The following NRXN1 variants were observed in gnomAD, a reference collection of about 807,000 sequenced individuals.
NRXN1 encodes neurexin 1.
In NRXN1, 39 loss-of-function variants were observed where a neutral mutation model predicts 150.9. That is an observed-to-expected ratio of 0.26 (90% CI 0.20 to 0.34). NRXN1 has a LOEUF of 0.34. Among genes scored for constraint, NRXN1 ranks in the 10% least tolerant of loss-of-function variants. The probability of loss-of-function intolerance (pLI) is 1.00; values close to 1 mark genes in which losing one functional copy is unlikely to be tolerated. For missense variants in NRXN1, 1,815 were observed against 1,949.9 expected (o/e 0.93, Z 1.30); for synonymous variants, 924 against 757.0 (o/e 1.22, Z -3.62).
rs556698479 is a variant in NRXN1, at chr2:50,434,630, C to T, written c.3364+30812G>A. Among the ~76,000 whole-genome samples, 4 of 152,198 alleles carry T rather than the reference C, an allele frequency of 2.6e-5. No individual in the cohort carries two copies. The South Asian group carries it at 8.3e-4, about 32-fold the overall frequency. On this transcript the variant is annotated intron_variant, in intron 17 of 22. Transcript: ENST00000401669. The stretch of plus-strand genomic sequence containing the variant: ...GGAAGGTCATCTTTAAGAGTCTATT[C>T]TTATCTGTGAAATATATTTACAGCC...
At chr2:50,424,530 G>T (rs1220607323) in intron 17 of NRXN1, among the ~76,000 whole-genome samples, 1 of 151,982 alleles carries the variant, frequency 6.6e-6, no homozygotes, top group Non-Finnish European at 1.5e-5. Context: ...GGAGAATATG[G>T]GTCTACCTAA....
At chr2:50,191,309 G>A (rs1170988682) in intron 18 of NRXN1, among the ~76,000 whole-genome samples, 1 of 151,754 alleles carries the variant, frequency 6.6e-6, no homozygotes, top group Non-Finnish European at 1.5e-5. Context: ...CAAAGTTTTG[G>A]GAACACAGGT....
At chr2:50,575,438 A>G (rs1003495691) in intron 8 of NRXN1, among the ~76,000 whole-genome samples, 1 of 152,126 alleles carries the variant, frequency 6.6e-6, no homozygotes, top group Admixed American at 6.6e-5. Context: ...GATGCTCCCT[A>G]GAGGCAGAAA....
At chr2:50,939,616 T>C (rs1017136880) in intron 2 of NRXN1, among the ~76,000 whole-genome samples, 3 of 152,166 alleles carry the variant, frequency 2.0e-5, no homozygotes, top group Non-Finnish European at 4.4e-5. Context: ...GTATTTAAGA[T>C]GGCATTCTCA....
chr2:50,799,310 G>C (rs1317740026), intron 5 of NRXN1, among the ~76,000 whole-genome samples: 2 of 152,130 alleles, frequency 1.3e-5, no homozygotes, highest in African/African-American at 2.4e-5. Context: ...TTTGAGATTT[G>C]AGAAAGGACA....
chr2:50,076,022 ATT>A (rs1697039906), intron 19 of NRXN1, among the ~76,000 whole-genome samples: 1 of 152,172 alleles, frequency 6.6e-6, no homozygotes, highest in African/African-American at 2.4e-5. Context: ...CCCAGCCCAC[ATT>A]TTACTCTTCT....
At position 49,921,625 on chromosome 2, in the gene NRXN1, A is replaced by G. The variant is rs201147530; in HGVS notation, c.*319T>C. ...TTGTGTTGTGCCTTGATGCTGTAGT[A>G]CTCCTTTGCTTTATGAATGCGTGCG... On this transcript the variant is annotated 3_prime_UTR_variant, in exon 23 of 23. Coordinates refer to ENST00000401669, the MANE Select transcript of NRXN1 (RefSeq NM_001330078.2). 8.4e-5 allele frequency: 25 copies of G among 298,668 alleles called. No homozygotes were observed. Among genetic ancestry groups the G allele is most frequent in the Middle Eastern group, 1.1e-3 (1 of 894 alleles). The allele number at this position is 298,668 out of a possible 1,614,324, so 18.5% of individuals were successfully genotyped here. A position where few individuals can be genotyped will look rare whatever the true frequency, so the allele number is the denominator to read the frequency against.
chr2:50,018,585 T>C (rs911558853), intron 21 of NRXN1, among the ~76,000 whole-genome samples: 9 of 152,332 alleles, frequency 5.9e-5, no homozygotes, highest in Admixed American at 3.3e-4. Flanking sequence ...TTACATCTTT[T>C]TGGGAAAAGA....
intron 5 of NRXN1, among the ~76,000 whole-genome samples, chr2:50,757,362 T>C (rs909116388): frequency 2.0e-5 from 3 of 151,548 alleles, no homozygotes; most frequent in Admixed American, 6.6e-5. Context: ...AGAGAGCAAA[T>C]TGGTAATGAT....
chr2:50,270,273 T>C (rs772752556), intron 17 of NRXN1, among the ~76,000 whole-genome samples: 1 of 152,196 alleles, frequency 6.6e-6, no homozygotes, highest in African/African-American at 2.4e-5. Context: ...ATTTGTAACA[T>C]GAGCGTGGGG....
intron 12 of NRXN1, among the ~76,000 whole-genome samples, chr2:50,514,877 C>A (rs2092579710): frequency 1.3e-5 from 2 of 152,202 alleles, no homozygotes; most frequent in Admixed American, 1.3e-4. Context: ...GATATTGCCA[C>A]TAACTGTAAC....
chr2:50,799,767 T>G (rs1395755080), intron 5 of NRXN1, among the ~76,000 whole-genome samples: 1 of 152,132 alleles, frequency 6.6e-6, no homozygotes, highest in Non-Finnish European at 1.5e-5. Context: ...GTTAGGTGTA[T>G]TAAATGCATT....
chr2:50,504,662 T>A (rs1370920658), intron 13 of NRXN1, among the ~76,000 whole-genome samples: 2 of 152,204 alleles, frequency 1.3e-5, no homozygotes, highest in Non-Finnish European at 2.9e-5. Flanking sequence ...CCCTAGACCA[T>A]CCAAAACACT....
rs547602360 is a variant in NRXN1 at position 51,010,165 on chromosome 2, G to C, written c.772+17337C>G. Among the ~76,000 whole-genome samples the C allele has an allele frequency of 1.1e-4, 17 of 152,048 alleles. No individual in the cohort carries two copies. In the East Asian group the frequency reaches 3.1e-3, roughly 28 times the overall value. On this transcript the variant is annotated intron_variant, in intron 2 of 22. Transcript: ENST00000401669. The stretch of plus-strand genomic sequence containing the variant: ...GGTTTGACATTTCAAACATCTCATA[G>C]ATAATCCCTCAAGATGGAGAGTCAC...
intron 5 of NRXN1, among the ~76,000 whole-genome samples, chr2:50,872,069 AC>A: frequency 6.6e-6 from 1 of 151,962 alleles, no homozygotes. Flanking sequence ...AGAGACAACT[AC>A]CTTTAACTCT....
intron 5 of NRXN1, among the ~76,000 whole-genome samples, chr2:50,791,532 T>C (rs550268619): frequency 1.1e-4 from 17 of 152,216 alleles, no homozygotes; most frequent in Non-Finnish European, 2.4e-4. Flanking sequence ...TTGGGGCTTT[T>C]CCCTTCAGTT....
intron 18 of NRXN1, among the ~76,000 whole-genome samples, chr2:50,107,270 A>C (rs80117989): frequency 3.3e-5 from 5 of 151,058 alleles, no homozygotes; most frequent in Non-Finnish European, 7.4e-5. Context: ...AAAAAAAAAA[A>C]AAAAGACCCT....
intron 17 of NRXN1, among the ~76,000 whole-genome samples, chr2:50,266,003 T>A (rs1258122670): frequency 1.1e-4 from 3 of 27,258 alleles, no homozygotes; most frequent in African/African-American, 4.9e-4. Flanking sequence ...TTATTATTTA[T>A]TTTTTTTTTT....
intron 5 of NRXN1, among the ~76,000 whole-genome samples, chr2:50,777,585 A>G (rs933814878): frequency 6.6e-6 from 1 of 152,186 alleles, no homozygotes; most frequent in Non-Finnish European, 1.5e-5. Flanking sequence ...CAAGCATTCC[A>G]TTTTACATCC....
Sources: gnomAD v4.1 joint callset for allele counts (sites outside exome capture counted in the v4.1 genomes callset) on GRCh38, gnomAD v4.1.1 for gene constraint, MANE v1.5 for transcripts, NCBI Gene and HGNC (gene_info 2026-07-23, HGNC 2026-07-21) for gene names.